ENPP2: variants seen among roughly 807,000 people sequenced by gnomAD.
The protein encoded by ENPP2 is autotaxin.
ENPP2 carries 51 observed loss-of-function variants against 120.2 expected under a neutral mutation model. That is an observed-to-expected ratio of 0.42 (90% CI 0.34 to 0.54). ENPP2 has a LOEUF of 0.54. Ranked by LOEUF, ENPP2 falls within the 20% of genes least tolerant of loss-of-function variation. The pLI is 0.04. For missense variants in ENPP2, 920 were observed against 1,066.5 expected, an observed-to-expected ratio of 0.86 and a Z score of 1.91; for synonymous variants, 365 against 366.4, an observed-to-expected ratio of 1.00 and a Z score of 0.04.
chr8:119,602,438 C>T (rs941980222), intron 9 of ENPP2, among the ~76,000 whole-genome samples: 1 of 126,518 alleles, frequency 7.9e-6, no homozygotes, highest in Non-Finnish European at 1.6e-5. Context: ...GCCTGGGCAA[C>T]AAGAGTGAAA....
In ENPP2 at chr8:119,600,819, A is replaced by T. The variant is rs559927987; in HGVS notation, c.900-69T>A. Reference sequence around the variant, plus strand: ...GTAACAAAAAATATCACATATTTTTAAAAAACGCATTTAAAAAAAAATGTT... The same window carrying T: ...GTAACAAAAAATATCACATATTTTTTAAAAACGCATTTAAAAAAAAATGTT... On this transcript the variant is annotated intron_variant, in intron 10 of 24. Coordinates refer to ENST00000075322, the MANE Select transcript of ENPP2 (RefSeq NM_001040092.3). 2.5e-4 allele frequency: 223 copies of T among 898,834 alleles called. 1 individual carries two copies. In the East Asian group the frequency reaches 3.7e-3, roughly 15 times the overall value. 55.7% of individuals were successfully genotyped at this position (898,834 alleles called of 1,614,324 possible).
chr8:119,655,184 A>C (rs1021109218), intron 1 of ENPP2, among the ~76,000 whole-genome samples: 1 of 152,212 alleles, frequency 6.6e-6, no homozygotes, highest in African/African-American at 2.4e-5. Flanking sequence ...AGATGAAGCA[A>C]TGGTTTTTTG....
chr8:119,609,765 A>G (rs529225999), intron 8 of ENPP2, among the ~76,000 whole-genome samples: 1 of 152,306 alleles, frequency 6.6e-6, no homozygotes, highest in South Asian at 2.1e-4. Flanking sequence ...ATATCCAAAC[A>G]ACTTCCTAGA....
chr8:119,618,355 C>G (rs773164781), intron 5 of ENPP2: 2 of 473,170 alleles, frequency 4.2e-6, no homozygotes, highest in South Asian at 3.0e-5. Flanking sequence ...CCTGATCTGT[C>G]TTCCCCACAA....
intron 1 of ENPP2, among the ~76,000 whole-genome samples, chr8:119,651,827 T>G (rs1387994651): frequency 6.6e-6 from 1 of 152,144 alleles, no homozygotes; most frequent in Non-Finnish European, 1.5e-5. Context: ...TATCAGACAA[T>G]TGCCTAAATT....
intron 1 of ENPP2, among the ~76,000 whole-genome samples, chr8:119,644,587 A>T (rs1015377602): frequency 1.7e-5 from 1 of 59,978 alleles, no homozygotes; most frequent in African/African-American, 5.0e-5. Flanking sequence ...AGATTACTAA[A>T]ATATATATAT....
At chr8:119,582,357 G>T in intron 18 of ENPP2, 61 bp downstream of exon 18, 1 of 1,295,008 alleles carries the variant, frequency 7.7e-7, no homozygotes, top group Non-Finnish European at 1.1e-6. Context: ...AAAGTTCTAT[G>T]GGCCAGCACT....
intron 3 of ENPP2, among the ~76,000 whole-genome samples, chr8:119,623,896 G>T (rs1816089203): frequency 6.6e-6 from 1 of 152,264 alleles, no homozygotes; most frequent in East Asian, 1.9e-4. Context: ...AAAGTGCTGA[G>T]ATTACAGGCA....
chr8:119,621,563 C>T (rs1587504586), intron 3 of ENPP2, 44 bp from the exon 4 acceptor site: 1 of 1,598,574 alleles, frequency 6.3e-7, no homozygotes, highest in African/African-American at 1.3e-5. Flanking sequence ...GCACACTAAC[C>T]AAATGAAAGA....
chr8:119,580,636 T>C (rs1359411477), intron 18 of ENPP2: 1 of 154,120 alleles, frequency 6.5e-6, no homozygotes, highest in African/African-American at 2.4e-5. Flanking sequence ...CTGTATACCC[T>C]AGCATATGCG....
intron 19 of ENPP2, among the ~76,000 whole-genome samples, chr8:119,577,329 C>T (rs1292032326): frequency 6.6e-6 from 1 of 152,172 alleles, no homozygotes; most frequent in East Asian, 1.9e-4. Context: ...TGTGTGCTCA[C>T]ATACATGGTG....
intron 20 of ENPP2, among the ~76,000 whole-genome samples, chr8:119,569,742 C>CTGTGTGTGCG: frequency 6.8e-6 from 1 of 146,414 alleles, no homozygotes. Context: ...GACTATTTAT[C>CTGTGTGTGCG]TGTGTGTGTG....
intron 11 of ENPP2, among the ~76,000 whole-genome samples, chr8:119,600,375 T>C (rs1197208512): frequency 2.0e-5 from 3 of 152,164 alleles, no homozygotes; most frequent in African/African-American, 7.2e-5. Context: ...ATGCCAACTC[T>C]TCCGAATTAT....
chr8:119,588,030 G>A (rs1813234971), intron 13 of ENPP2, among the ~76,000 whole-genome samples: 1 of 152,132 alleles, frequency 6.6e-6, no homozygotes, highest in Non-Finnish European at 1.5e-5. Flanking sequence ...GTTCATATTT[G>A]TTAAAAATGT....
chr8:119,557,815 G>T, intron 24 of ENPP2, 124 bp from the exon 25 acceptor site: 1 of 703,712 alleles, frequency 1.4e-6, no homozygotes, highest in Non-Finnish European at 2.2e-6. Context: ...AACGCATGTT[G>T]ATCCTTCCTG....
At chr8:119,617,438 A>G (rs1321298231) in intron 6 of ENPP2, 28 bp downstream of exon 6, 2 of 1,477,898 alleles carry the variant, frequency 1.4e-6, no homozygotes, top group East Asian at 4.6e-5. Flanking sequence ...GATTACAGAT[A>G]AGAACACAGA....
intron 17 of ENPP2, among the ~76,000 whole-genome samples, chr8:119,583,156 T>A (rs1235210139): frequency 6.6e-6 from 1 of 152,116 alleles, no homozygotes; most frequent in East Asian, 1.9e-4. Context: ...GTAACTTGCT[T>A]GAGCTCAGAG....
upstream of ENPP2, among the ~76,000 whole-genome samples, chr8:119,640,921 A>G (rs1183867416): frequency 3.3e-5 from 5 of 151,748 alleles, no homozygotes; most frequent in African/African-American, 7.3e-5. Flanking sequence ...TAATTTTTGT[A>G]TTTTTAATAC....
intron 1 of ENPP2, 95 bp from the exon 2 acceptor site, chr8:119,638,622 C>A (rs952307351): frequency 1.0e-5 from 10 of 996,172 alleles, no homozygotes; most frequent in Non-Finnish European, 1.6e-5. Context: ...TATCAACACC[C>A]AATCCTACCA....
Sources: gnomAD v4.1 joint callset for allele counts (sites outside exome capture counted in the v4.1 genomes callset) on GRCh38, gnomAD v4.1.1 for gene constraint, MANE v1.5 for transcripts, NCBI Gene and HGNC (gene_info 2026-07-23, HGNC 2026-07-21) for gene names.